The following EXOC4 variants were observed in gnomAD, a reference collection of about 807,000 sequenced individuals.
EXOC4 encodes the protein exocyst complex component 4.
EXOC4 carries 71 observed loss-of-function variants against 107.2 expected under a neutral mutation model. The observed-to-expected ratio is 0.66, with a 90% CI of 0.55 to 0.81. EXOC4 has a LOEUF of 0.81. EXOC4 is among the 30% of genes least tolerant of loss of function. The pLI is 0.00. For synonymous variants in EXOC4, 456 were observed against 441.2 expected, an observed-to-expected ratio of 1.03 and a Z score of -0.42; for missense variants, 1,108 against 1,189.6, an observed-to-expected ratio of 0.93 and a Z score of 1.01.
chr7:133,812,263 G>A (rs2151208870), intron 10 of EXOC4, among the ~76,000 whole-genome samples: 1 of 152,310 alleles, frequency 6.6e-6, no homozygotes, highest in Non-Finnish European at 1.5e-5. Context: ...AGCAGTTACT[G>A]TGTGCCGGTC....
intron 1 of EXOC4, among the ~76,000 whole-genome samples, chr7:133,255,586 G>A (rs1562990135): frequency 6.6e-6 from 1 of 152,222 alleles, no homozygotes; most frequent in African/African-American, 2.4e-5. Flanking sequence ...TCCTGGGCAA[G>A]TTTATTAAGG....
At chr7:133,530,097 G>C (rs1196451448) in intron 9 of EXOC4, among the ~76,000 whole-genome samples, 1 of 152,160 alleles carries the variant, frequency 6.6e-6, no homozygotes, top group Non-Finnish European at 1.5e-5. Flanking sequence ...TGGGGCTAGA[G>C]CTGCCATCTG....
At chr7:133,655,807 A>G (rs1267877946) in intron 10 of EXOC4, among the ~76,000 whole-genome samples, 3 of 152,222 alleles carry the variant, frequency 2.0e-5, no homozygotes, top group African/African-American at 4.8e-5. Flanking sequence ...GTTTATTTTA[A>G]TAAGGAGGAA....
intron 14 of EXOC4, among the ~76,000 whole-genome samples, chr7:133,972,737 T>G (rs1001465123): frequency 2.6e-5 from 4 of 152,216 alleles, no homozygotes; most frequent in Non-Finnish European, 5.9e-5. Context: ...TTTTGTGTGT[T>G]GTGGGTTTTT....
intron 12 of EXOC4, among the ~76,000 whole-genome samples, chr7:133,909,919 A>ATTTTTTTTTT (rs764890539): frequency 2.6e-5 from 2 of 75,476 alleles, no homozygotes; most frequent in Non-Finnish European, 4.8e-5. Flanking sequence ...GTTGAGACAG[A>ATTTTTTTTTT]TTTTTTTTTT....
At chr7:133,684,671 C>T (rs1366197800) in intron 10 of EXOC4, among the ~76,000 whole-genome samples, 1 of 152,124 alleles carries the variant, frequency 6.6e-6, no homozygotes, top group Non-Finnish European at 1.5e-5. Flanking sequence ...CAATAAACTT[C>T]TTTTTAAAAA....
At chr7:133,372,544 G>T (rs374525996) in intron 6 of EXOC4, among the ~76,000 whole-genome samples, 2 of 145,898 alleles carry the variant, frequency 1.4e-5, no homozygotes, top group Admixed American at 6.8e-5. Context: ...TTCTCTACTG[G>T]TTTTTTTTTT....
At chr7:133,260,152 G>A (rs1216246194) in intron 1 of EXOC4, among the ~76,000 whole-genome samples, 1 of 151,968 alleles carries the variant, frequency 6.6e-6, no homozygotes, top group Non-Finnish European at 1.5e-5. Flanking sequence ...CTTTATATGT[G>A]TGGGTTTATT....
At chr7:133,969,105 A>G (rs894576255) in intron 14 of EXOC4, among the ~76,000 whole-genome samples, 7 of 151,918 alleles carry the variant, frequency 4.6e-5, no homozygotes, top group African/African-American at 1.7e-4. Context: ...TCAGTCTCTG[A>G]TATCCTTTCT....
chr7:133,536,367 G>A (rs934028365), intron 9 of EXOC4, among the ~76,000 whole-genome samples: 2 of 151,858 alleles, frequency 1.3e-5, no homozygotes, highest in Non-Finnish European at 2.9e-5. Context: ...TTACAGCCCC[G>A]AAGTCCTAGT....
chr7:133,265,102 CTT>C (rs765524685), intron 1 of EXOC4, among the ~76,000 whole-genome samples: 2 of 152,064 alleles, frequency 1.3e-5, no homozygotes, highest in Non-Finnish European at 2.9e-5. Context: ...GCTCTAGACT[CTT>C]TTTTTCTTGC....
At chr7:133,385,942 T>A (rs571455399) in intron 7 of EXOC4, among the ~76,000 whole-genome samples, 2 of 152,332 alleles carry the variant, frequency 1.3e-5, no homozygotes, top group African/African-American at 4.8e-5. Flanking sequence ...CAGGGATTTG[T>A]TTGTATATAT....
chr7:133,606,484 C>T (rs181118194), intron 9 of EXOC4, among the ~76,000 whole-genome samples: 27 of 151,482 alleles, frequency 1.8e-4, no homozygotes, highest in Admixed American at 9.2e-4. Flanking sequence ...GAAACTGCTT[C>T]CTTTGCTGCT....
rs772981759 is a variant in EXOC4 at position 133,425,956 on chromosome 7, T to A, written c.1183-49372T>A. Among the ~76,000 whole-genome samples, 22 of 152,252 alleles carry A rather than the reference T, an allele frequency of 1.4e-4. 1 individual carries two copies. The highest frequency in any genetic ancestry group is 2.6e-4 in the Non-Finnish European group (18 of 68,042). On this transcript the variant is annotated intron_variant, in intron 7 of 17. Coordinates refer to ENST00000253861, the MANE Select transcript of EXOC4 (RefSeq NM_021807.4). ...GTTATATTTCCTAAATGTATTTGAT[T>A]GACGTCTGATGCCTCCCTGAAATGT...
chr7:133,310,392 C>T (rs1794844041), intron 4 of EXOC4, among the ~76,000 whole-genome samples: 1 of 152,126 alleles, frequency 6.6e-6, no homozygotes, highest in Non-Finnish European at 1.5e-5. Flanking sequence ...AGTGAAATGA[C>T]ATACAGAAGG....
At chr7:133,788,485 C>T (rs1008591212) in intron 10 of EXOC4, among the ~76,000 whole-genome samples, 7 of 151,910 alleles carry the variant, frequency 4.6e-5, no homozygotes, top group Non-Finnish European at 1.0e-4. Context: ...TTATGTCATG[C>T]TCAAAACTTC....
Position 133,925,833 on chromosome 7 carries a change from C to T in EXOC4, c.2027+8095C>T, listed in dbSNP as rs59909495. Among the ~76,000 whole-genome samples, 1,391 of 151,884 alleles carry T rather than the reference C, an allele frequency of 9.2e-3. 29 individuals are homozygous for T. The highest frequency in any genetic ancestry group is 0.033 in the African/African-American group (1,354 of 41,416). On this transcript the variant is annotated intron_variant, in intron 13 of 17. Transcript: ENST00000253861. ...CGAGTGGATCACAAGGTCAGGAGTT[C>T]GAGACCAGCCTGACCAAAATGGTGA... is the stretch of plus-strand genomic sequence containing the variant.
At chr7:133,350,256 G>A (rs1276931663) in intron 5 of EXOC4, among the ~76,000 whole-genome samples, 1 of 152,012 alleles carries the variant, frequency 6.6e-6, no homozygotes, top group Non-Finnish European at 1.5e-5. Flanking sequence ...CAAATCCAAT[G>A]TCATAAAGCT....
At chr7:133,541,424 T>A (rs1374545553) in intron 9 of EXOC4, among the ~76,000 whole-genome samples, 6 of 152,228 alleles carry the variant, frequency 3.9e-5, no homozygotes, top group Admixed American at 3.9e-4. Context: ...CCTTAAATAG[T>A]TGCCTCATAA....
Sources: allele counts gnomAD v4.1 joint callset (sites outside exome capture counted in the v4.1 genomes callset), GRCh38; gene constraint gnomAD v4.1.1; transcripts MANE v1.5; gene names NCBI Gene and HGNC (gene_info 2026-07-23, HGNC 2026-07-21).